THSD4: variants seen among roughly 807,000 people sequenced by gnomAD.
THSD4 encodes thrombospondin type 1 domain containing 4, also known as thrombospondin type-1 domain-containing protein 4.
In THSD4, 69 loss-of-function variants were observed where a neutral mutation model predicts 119.0. That is an observed-to-expected ratio of 0.58 (90% CI 0.48 to 0.71). The LOEUF is 0.71. THSD4 is among the 30% of genes least tolerant of loss of function. The pLI, the probability that THSD4 is intolerant of heterozygous loss-of-function variation, is 0.00. For missense variants in THSD4, 1,393 were observed against 1,391.1 expected, an observed-to-expected ratio of 1.00 and a Z score of -0.02; for synonymous variants, 524 against 540.4, an observed-to-expected ratio of 0.97 and a Z score of 0.42.
At chr15:71,275,030 A>G (rs925968403) in intron 6 of THSD4, among the ~76,000 whole-genome samples, 24 of 152,154 alleles carry the variant, frequency 1.6e-4, no homozygotes, top group African/African-American at 5.8e-4. Context: ...TTCTACAAAG[A>G]CTGCCTTGCT....
chr15:71,294,698 A>T (rs1360045323), intron 6 of THSD4, among the ~76,000 whole-genome samples: 1 of 152,134 alleles, frequency 6.6e-6, no homozygotes, highest in Admixed American at 6.5e-5. Flanking sequence ...GTATGGCCTG[A>T]GTTTATCCAA....
At chr15:71,653,869 G>A (rs1375861415) in intron 7 of THSD4, among the ~76,000 whole-genome samples, 1 of 152,110 alleles carries the variant, frequency 6.6e-6, no homozygotes, top group African/African-American at 2.4e-5. Flanking sequence ...TATGATACAG[G>A]ATGAGGGCAG....
At chr15:71,489,277 G>C (rs1165436012) in intron 7 of THSD4, among the ~76,000 whole-genome samples, 3 of 152,076 alleles carry the variant, frequency 2.0e-5, no homozygotes, top group Admixed American at 2.0e-4. Flanking sequence ...TCTGGATTTT[G>C]GTGGTGGGTG....
intron 4 of THSD4, among the ~76,000 whole-genome samples, chr15:71,232,031 G>A (rs2044065393): frequency 1.3e-5 from 2 of 152,120 alleles, no homozygotes; most frequent in African/African-American, 4.8e-5. Context: ...CCAGCTCGAG[G>A]CTGCACACTC....
chr15:71,305,095 A>G (rs930763138), intron 6 of THSD4, among the ~76,000 whole-genome samples: 18 of 152,192 alleles, frequency 1.2e-4, no homozygotes, highest in Non-Finnish European at 2.1e-4. Context: ...TTCTGGGGAA[A>G]ACCCTAACGA....
chr15:71,498,802 C>T (rs1016103120), intron 7 of THSD4, among the ~76,000 whole-genome samples: 2 of 151,898 alleles, frequency 1.3e-5, no homozygotes, highest in Non-Finnish European at 2.9e-5. Context: ...CTCAAACAAT[C>T]CTCCTACCTC....
chr15:71,482,556 C>A (rs2080421475), intron 7 of THSD4, among the ~76,000 whole-genome samples: 1 of 151,710 alleles, frequency 6.6e-6, no homozygotes, highest in Non-Finnish European at 1.5e-5. Context: ...TCCCAAAGTG[C>A]TGGGATTATA....
intron 3 of THSD4, among the ~76,000 whole-genome samples, chr15:71,162,211 C>T (rs2043255361): frequency 6.6e-6 from 1 of 151,886 alleles, no homozygotes; most frequent in South Asian, 2.1e-4. Context: ...TATGGATTTA[C>T]CCAGACTGGT....
chr15:71,439,859 G>T (rs1027963267), intron 7 of THSD4, among the ~76,000 whole-genome samples: 2 of 152,130 alleles, frequency 1.3e-5, no homozygotes, highest in African/African-American at 4.8e-5. Context: ...ACTGGGGCCT[G>T]TTGGTGGGTG....
intron 8 of THSD4, among the ~76,000 whole-genome samples, chr15:71,675,998 A>G (rs11072321): frequency 0.93 from 141,102 of 152,206 alleles, 66,358 homozygotes; most frequent in East Asian, 1. Context: ...ACAATCATGC[A>G]TCCCATGCTC....
At position 71,191,753 on chromosome 15, in the gene THSD4, CAT is replaced by C. The variant is rs370063063; in HGVS notation, c.100-23279_100-23278del. On this transcript the variant is annotated intron_variant, in intron 3 of 17. Coordinates refer to ENST00000261862, the MANE Select transcript of THSD4 (RefSeq NM_024817.3). The stretch of plus-strand genomic sequence containing the variant: ...AATCTCATCTCCTTTTACCCTTCCA[CAT>C]ATGAGTCGGCCCCACATGAACCGGT... Among the ~76,000 whole-genome samples, 20 of 152,278 alleles carry C rather than the reference CAT, an allele frequency of 1.3e-4. 1 individual carries two copies. The East Asian group carries it at 3.9e-3, about 29-fold the overall frequency.
chr15:71,239,615 G>A (rs2140271835), intron 4 of THSD4, among the ~76,000 whole-genome samples: 1 of 152,322 alleles, frequency 6.6e-6, no homozygotes, highest in Admixed American at 6.5e-5. Flanking sequence ...AGCACCTAAA[G>A]TAAAATCCCA....
chr15:71,667,854 T>A (rs942790878), intron 8 of THSD4, among the ~76,000 whole-genome samples: 3 of 152,220 alleles, frequency 2.0e-5, no homozygotes, highest in African/African-American at 4.8e-5. Flanking sequence ...GTGTAAAGAC[T>A]ACTTGAAGGT....
intron 7 of THSD4, among the ~76,000 whole-genome samples, chr15:71,594,224 T>C (rs539397546): frequency 2.7e-4 from 41 of 152,088 alleles, no homozygotes; most frequent in African/African-American, 8.0e-4. Flanking sequence ...TTTTTTTTTT[T>C]TCCTGAGATA....
intron 3 of THSD4, among the ~76,000 whole-genome samples, chr15:71,193,796 C>T (rs1162298391): frequency 1.3e-5 from 2 of 152,184 alleles, no homozygotes; most frequent in Non-Finnish European, 2.9e-5. Flanking sequence ...CAAGCTCCGC[C>T]TCCCGGGTTC....
intron 8 of THSD4, among the ~76,000 whole-genome samples, chr15:71,667,608 A>T (rs1595845886): frequency 6.6e-6 from 1 of 152,232 alleles, no homozygotes; most frequent in African/African-American, 2.4e-5. Context: ...GCATTGAAAA[A>T]AGTCAAGTAT....
rs561534005 is a variant in THSD4, at chr15:71,642,527, A to G, written c.1153-18003A>G. ...TATGTTTATTGTGGCTCTATTCACA[A>G]TAGCAAAGACTTGGAACCAACCCAA... On this transcript the variant is annotated intron_variant, in intron 7 of 17. Coordinates refer to ENST00000261862, the MANE Select transcript of THSD4 (RefSeq NM_024817.3). Among the ~76,000 whole-genome samples the G allele has an allele frequency of 1.3e-5, 2 of 152,320 alleles. 1 individual carries two copies. The highest frequency in any genetic ancestry group is 4.1e-4 in the South Asian group (2 of 4,826).
intron 6 of THSD4, among the ~76,000 whole-genome samples, chr15:71,332,428 AT>A (rs1387955778): frequency 6.6e-6 from 1 of 152,212 alleles, no homozygotes; most frequent in African/African-American, 2.4e-5. Flanking sequence ...GTCTGTGTGT[AT>A]ATTCTTGGCT....
chr15:71,462,954 T>C (rs1454094566), intron 7 of THSD4, among the ~76,000 whole-genome samples: 1 of 152,254 alleles, frequency 6.6e-6, no homozygotes, highest in African/African-American at 2.4e-5. Flanking sequence ...GTTATGTTTC[T>C]ATTGATATGA....
Sources: gnomAD v4.1 joint callset for allele counts (sites outside exome capture counted in the v4.1 genomes callset) on GRCh38, gnomAD v4.1.1 for gene constraint, MANE v1.5 for transcripts, NCBI Gene and HGNC (gene_info 2026-07-23, HGNC 2026-07-21) for gene names.